ZNF436: variants seen among roughly 807,000 people sequenced by gnomAD.
ZNF436 encodes the protein zinc finger protein 436, also known as DNA-binding protein.
A neutral mutation model predicts 41.9 loss-of-function variants in ZNF436; 22 were observed. The ratio of observed to expected loss-of-function variants is 0.53; its 90% confidence interval spans 0.38 to 0.75. ZNF436 has a LOEUF of 0.75. ZNF436 is among the 30% of genes least tolerant of loss of function. The probability of loss-of-function intolerance (pLI) is 0.00; values close to 1 mark genes in which losing one functional copy is unlikely to be tolerated. For missense variants in ZNF436, 506 were observed against 587.3 expected (o/e 0.86, Z 1.43); for synonymous variants, 217 against 197.8 (o/e 1.10, Z -0.82).
chr1:23,368,608 C>T (rs965961078), intron 1 of ZNF436, among the ~76,000 whole-genome samples: 2 of 152,254 alleles, frequency 1.3e-5, no homozygotes, highest in Admixed American at 1.3e-4. Context: ...GTAAGCGCGT[C>T]CTCCCAGTCA....
At position 23,362,793 on chromosome 1, in the gene ZNF436, TAC is replaced by T; in HGVS notation, c.587_588del (p.Cys196Ter). On this transcript the variant is annotated frameshift_variant, in exon 4 of 4. Coordinates refer to ENST00000314011, the MANE Select transcript of ZNF436 (RefSeq NM_001077195.2). LOFTEE classifies it high-confidence loss of function. The part of the protein sequence containing the change: ...RTHTGERPYD[C>X]NECGKSFGRS... ...CTTCCAAAACTTTTCCCACACTCGT[TAC>T]AGTCATAAGGCCTCTCCCCAGTATG... 6.2e-7 allele frequency: 1 copy of T among 1,614,104 alleles called. No individual in the cohort carries two copies. Among genetic ancestry groups the T allele is most frequent in the South Asian group, 1.1e-5 (1 of 91,080 alleles).
At chr1:23,367,536 C>T (rs1638386682) in intron 2 of ZNF436, among the ~76,000 whole-genome samples, 1 of 152,194 alleles carries the variant, frequency 6.6e-6, no homozygotes, top group African/African-American at 2.4e-5. Flanking sequence ...ACTAACTGTT[C>T]TTCAATGCCC....
rs1394314312 is a variant in ZNF436, at chr1:23,367,061, A to G, written c.141T>C (p.Tyr47=). ...DLYRDVMQEN[Y]GNVVSLDFEI... is the part of the protein sequence containing the mutation. ...ACTTACCTAGTGAGACAACATTTCC[A>G]TAATTCTCCTGCATAACATCCCGGT... The change falls in exon 3 of 4, where the codon TAT becomes TAC. Residue 47 remains tyrosine (Y), a synonymous_variant. Transcript: ENST00000314011. The G allele has an allele frequency of 2.5e-6, 4 of 1,613,616 alleles. No homozygotes were observed. Among genetic ancestry groups the G allele is most frequent in the African/African-American group, 1.3e-5 (1 of 74,908 alleles).
chr1:23,367,246 G>C, intron 2 of ZNF436, 78 bp from the exon 3 acceptor site: 1 of 1,455,556 alleles, frequency 6.9e-7, no homozygotes, highest in Non-Finnish European at 9.2e-7. Flanking sequence ...AAATATTCAG[G>C]AGGAAAAATA....
At chr1:23,365,739 A>G (rs1006689034) in intron 3 of ZNF436, among the ~76,000 whole-genome samples, 1 of 149,634 alleles carries the variant, frequency 6.7e-6, no homozygotes, top group Non-Finnish European at 1.5e-5. Context: ...TTAATTAATT[A>G]ATTTAAAATT....
intron 1 of ZNF436, 104 bp downstream of exon 1, chr1:23,369,261 TG>T (rs2148533097): frequency 2.2e-6 from 1 of 457,722 alleles, no homozygotes; most frequent in African/African-American, 2.0e-5. Flanking sequence ...GAAGGGACCC[TG>T]GGCGTCTGAG....
chr1:23,366,336 G>A (rs564460536), intron 3 of ZNF436, among the ~76,000 whole-genome samples: 90 of 143,022 alleles, frequency 6.3e-4, no homozygotes, highest in African/African-American at 2.1e-3. Flanking sequence ...GCTAATGTCT[G>A]TCAAGTCTTG....
At chr1:23,366,399 A>G (rs1638359601) in intron 3 of ZNF436, among the ~76,000 whole-genome samples, 1 of 152,136 alleles carries the variant, frequency 6.6e-6, no homozygotes, top group Non-Finnish European at 1.5e-5. Context: ...GCTCAAGAAT[A>G]TACTCTTTAT....
Position 23,369,739 on chromosome 1 carries a change from A to G in ZNF436, c.-434T>C. 1 of 393,164 alleles carries G rather than the reference A, an allele frequency of 2.5e-6. No homozygotes were observed. Among genetic ancestry groups the G allele is most frequent in the East Asian group, 6.6e-5 (1 of 15,072 alleles). 24.4% of individuals were successfully genotyped at this position (393,164 alleles called of 1,614,324 possible). A position where few individuals can be genotyped will look rare whatever the true frequency, so the allele number is the denominator to read the frequency against. ...CTCGCAGCTCTCCCTTTCCCCAGCC[A>G]GGATGAGGGAATTAGACAATGGAAG... On this transcript the variant is annotated 5_prime_UTR_variant, in exon 1 of 4. Transcript: ENST00000314011.
At chr1:23,365,382 C>T (rs923515523) in intron 3 of ZNF436, among the ~76,000 whole-genome samples, 1 of 147,906 alleles carries the variant, frequency 6.8e-6, no homozygotes, top group Non-Finnish European at 1.5e-5. Context: ...GGCAACAGAG[C>T]AAGACTCCAT....
chr1:23,362,413 A>T lies in ZNF436; in HGVS notation c.969T>A (p.Arg323=). The part of the protein sequence containing the change: ...KNFSQNSDLV[R]HRRAHTGEKP... ...TCTCTCCCGTGTGGGCTCTGCGATG[A>T]CGCACAAGGTCGGAGTTCTGACTGA... The change falls in exon 4 of 4, where the codon CGT becomes CGA. Residue 323 remains arginine (R), a synonymous_variant. Coordinates refer to ENST00000314011, the MANE Select transcript of ZNF436 (RefSeq NM_001077195.2). The T allele has an allele frequency of 5.0e-6, 8 of 1,610,734 alleles. No individual in the cohort carries two copies. The highest frequency in any genetic ancestry group is 6.8e-6 in the Non-Finnish European group (8 of 1,179,094).
Position 23,366,752 on chromosome 1 carries a change from T to G in ZNF436, c.160+290A>C, listed in dbSNP as rs998023692. ...GGCATTTATATTCTGGCAAGCACTA[T>G]TATGCCAGACCTGTTTGGTCAGTGA... On this transcript the variant is annotated intron_variant, in intron 3 of 3. Coordinates refer to ENST00000314011, the MANE Select transcript of ZNF436 (RefSeq NM_001077195.2). Among the ~76,000 whole-genome samples, 3 of 152,236 alleles carry G rather than the reference T, an allele frequency of 2.0e-5. No individual in the cohort carries two copies. The South Asian group carries it at 6.2e-4, about 31-fold the overall frequency.
chr1:23,367,319 G>A, intron 2 of ZNF436, 151 bp from the exon 3 acceptor site: 1 of 949,604 alleles, frequency 1.1e-6, no homozygotes, highest in Non-Finnish European at 1.5e-6. Context: ...ATGTGGTAAA[G>A]AAGGCAGCAA....
rs138905896 is a variant in ZNF436, at chr1:23,369,368, C to T, written c.-63G>A. The T allele has an allele frequency of 4.1e-5, 22 of 534,554 alleles. No homozygotes were observed. Among genetic ancestry groups the T allele is most frequent in the Non-Finnish European group, 7.3e-5 (19 of 259,946 alleles). The allele number at this position is 534,554 out of a possible 1,614,324, so 33.1% of individuals were successfully genotyped here. A position where few individuals can be genotyped will look rare whatever the true frequency, so the allele number is the denominator to read the frequency against. On this transcript the variant is annotated splice_region_variant and 5_prime_UTR_variant, in exon 1 of 4. Coordinates refer to ENST00000314011, the MANE Select transcript of ZNF436 (RefSeq NM_001077195.2). ...GAGTGGGGGACGAACAGACTTACCTCCTGTCCCGCAAAAGATCCACTAGAT... is the reference window on the plus strand; with the variant it reads ...GAGTGGGGGACGAACAGACTTACCTTCTGTCCCGCAAAAGATCCACTAGAT...
chr1:23,367,717 A>ACTGTGAG (rs1291274228), intron 2 of ZNF436, among the ~76,000 whole-genome samples: 2 of 152,196 alleles, frequency 1.3e-5, no homozygotes, highest in South Asian at 2.1e-4. Flanking sequence ...CAGATTGTGA[A>ACTGTGAG]CTGTGAGCTG....
intron 2 of ZNF436, among the ~76,000 whole-genome samples, chr1:23,367,596 A>C: frequency 6.6e-6 from 1 of 152,168 alleles, no homozygotes; most frequent in Non-Finnish European, 1.5e-5. Flanking sequence ...AGATAGACTT[A>C]ATCACGCCGA....
intron 3 of ZNF436, among the ~76,000 whole-genome samples, 169 bp from the exon 4 acceptor site, chr1:23,363,390 G>A (rs1316332540): frequency 1.3e-5 from 2 of 151,974 alleles, no homozygotes; most frequent in East Asian, 1.9e-4. Context: ...CTGGGTTCAA[G>A]CAATTCTCCT....
At chr1:23,363,247 C>CT (rs1638289594) in intron 3 of ZNF436, 26 bp from the exon 4 acceptor site, 1 of 1,582,270 alleles carries the variant, frequency 6.3e-7, no homozygotes, top group African/African-American at 1.4e-5. Flanking sequence ...AACAATAAGA[C>CT]TAGTAAGTAC....
intron 3 of ZNF436, 59 bp from the exon 4 acceptor site, chr1:23,363,280 G>A (rs1638290188): frequency 6.9e-7 from 1 of 1,455,758 alleles, no homozygotes. Context: ...TTGTGTGCCA[G>A]GCACTATACT....
Sources: allele counts gnomAD v4.1 joint callset (sites outside exome capture counted in the v4.1 genomes callset), GRCh38; gene constraint gnomAD v4.1.1; transcripts MANE v1.5; gene names NCBI Gene and HGNC (gene_info 2026-07-23, HGNC 2026-07-21).